Variants in RASSF3 observed in about 807,000 individuals in gnomAD.
RASSF3 encodes ras association domain-containing protein 3.
RASSF3 carries 19 observed loss-of-function variants against 19.9 expected under a neutral mutation model. That is an observed-to-expected ratio of 0.96 (90% CI 0.67 to 1.40). RASSF3 has a LOEUF of 1.40. Among genes scored for constraint, RASSF3 ranks in the 40% most tolerant of loss-of-function variants. The pLI, the probability that RASSF3 is intolerant of heterozygous loss-of-function variation, is 0.00. For missense variants in RASSF3, 306 were observed against 289.8 expected (o/e 1.06, Z -0.41); for synonymous variants, 110 against 104.2 (o/e 1.06, Z -0.34).
intron 2 of RASSF3, among the ~76,000 whole-genome samples, chr12:64,547,256 A>G (rs114374566): frequency 0.023 from 3,268 of 140,782 alleles, 137 homozygotes; most frequent in African/African-American, 0.081. Flanking sequence ...TGTGTGACAG[A>G]GAGAGACTTG....
chr12:64,686,840 C>A lies in RASSF3; in HGVS notation c.220-1376C>A, dbSNP rs1873376934. 2.0e-5 allele frequency among the ~76,000 whole-genome samples: 3 copies of A among 152,010 alleles called. No homozygotes were observed. The South Asian group carries it at 6.2e-4, about 31-fold the overall frequency. On this transcript the variant is annotated intron_variant, in intron 2 of 4. Coordinates refer to ENST00000542104, the MANE Select transcript of RASSF3 (RefSeq NM_178169.4). ...AGACCCTGTCTCAAAAAAGAACAAACTAGAGAATTAGGATTGAAAATTGAT... is the reference window on the plus strand; with the variant it reads ...AGACCCTGTCTCAAAAAAGAACAAAATAGAGAATTAGGATTGAAAATTGAT...
chr12:64,658,152 G>A (rs1404867088), intron 1 of RASSF3, among the ~76,000 whole-genome samples: 2 of 152,160 alleles, frequency 1.3e-5, no homozygotes, highest in Non-Finnish European at 2.9e-5. Flanking sequence ...TCAGATGTCT[G>A]GAAACCTAAT....
chr12:64,684,390 T>C (rs1299955675), intron 1 of RASSF3, among the ~76,000 whole-genome samples: 2 of 151,158 alleles, frequency 1.3e-5, no homozygotes, highest in Non-Finnish European at 2.9e-5. Flanking sequence ...GGCCCTTGTG[T>C]GGAATTTTTA....
chr12:64,574,573 A>G (rs1869567860), intron 2 of RASSF3, among the ~76,000 whole-genome samples: 1 of 152,176 alleles, frequency 6.6e-6, no homozygotes, highest in South Asian at 2.1e-4. Context: ...GGCATATGTG[A>G]TGCAAGTAAA....
At chr12:64,613,695 C>T (rs1326668874) in intron 1 of RASSF3, among the ~76,000 whole-genome samples, 2 of 152,082 alleles carry the variant, frequency 1.3e-5, no homozygotes, top group African/African-American at 4.8e-5. Context: ...CCTGTAATTC[C>T]AGCACTTTGG....
chr12:64,641,942 A>T (rs1000583853), intron 1 of RASSF3, among the ~76,000 whole-genome samples: 1 of 151,764 alleles, frequency 6.6e-6, no homozygotes, highest in African/African-American at 2.4e-5. Context: ...GGGTTTCTCC[A>T]TGTTGGTCAG....
intron 1 of RASSF3, among the ~76,000 whole-genome samples, chr12:64,611,136 G>A (rs545608705): frequency 1.3e-5 from 2 of 149,552 alleles, no homozygotes; most frequent in African/African-American, 2.5e-5. Context: ...CTTCCTGTTA[G>A]TCAGCTTACT....
At chr12:64,634,353 A>C (rs1012756011) in intron 1 of RASSF3, among the ~76,000 whole-genome samples, 2 of 147,402 alleles carry the variant, frequency 1.4e-5, no homozygotes, top group Non-Finnish European at 3.0e-5. Context: ...TCATTTTTTC[A>C]TAGAAATGAG....
At chr12:64,574,640 A>T (rs1358167975) in intron 2 of RASSF3, among the ~76,000 whole-genome samples, 1 of 152,176 alleles carries the variant, frequency 6.6e-6, no homozygotes, top group Non-Finnish European at 1.5e-5. Flanking sequence ...ACTCTTTACC[A>T]TGAAAAGAAC....
intron 2 of RASSF3, among the ~76,000 whole-genome samples, chr12:64,551,487 G>A (rs1478953147): frequency 6.6e-5 from 10 of 152,120 alleles, no homozygotes; most frequent in Non-Finnish European, 1.0e-4. Context: ...GAGGTGGGAC[G>A]ATCACTTGAA....
intron 2 of RASSF3, among the ~76,000 whole-genome samples, chr12:64,548,127 C>G (rs1869100608): frequency 6.6e-6 from 1 of 151,984 alleles, no homozygotes; most frequent in Non-Finnish European, 1.5e-5. Context: ...ATTTATGAAT[C>G]TTTCATATTG....
At chr12:64,529,193 T>C (rs948948078), upstream of RASSF3, among the ~76,000 whole-genome samples, 1 of 152,242 alleles carries the variant, frequency 6.6e-6, no homozygotes, top group Non-Finnish European at 1.5e-5. Flanking sequence ...TTTCTAATCA[T>C]GTGAGTCCAC....
chr12:64,618,765 A>G (rs1870639806), intron 1 of RASSF3, among the ~76,000 whole-genome samples: 2 of 152,218 alleles, frequency 1.3e-5, no homozygotes. Context: ...ATATTCTGAG[A>G]TAGAAGTGAC....
At chr12:64,629,949 A>G in intron 1 of RASSF3, 1 of 143,780 alleles carries the variant, frequency 7.0e-6, no homozygotes, top group East Asian at 2.0e-4. Context: ...GTGACAGAGC[A>G]AGACTCCATC....
At chr12:64,659,953 T>C (rs1872285828) in intron 1 of RASSF3, among the ~76,000 whole-genome samples, 1 of 42,684 alleles carries the variant, frequency 2.3e-5, no homozygotes, top group Non-Finnish European at 5.2e-5. Flanking sequence ...ATCTAATACG[T>C]GTGTGTGTGT....
chr12:64,578,431 A>G (rs560592869), intron 2 of RASSF3, among the ~76,000 whole-genome samples: 1 of 152,210 alleles, frequency 6.6e-6, no homozygotes, highest in South Asian at 2.1e-4. Flanking sequence ...AGGCGGGAGG[A>G]CTGCTTGAGG....
intron 1 of RASSF3, chr12:64,622,410 G>T: frequency 1.9e-6 from 1 of 512,964 alleles, no homozygotes; most frequent in Non-Finnish European, 3.9e-6. Context: ...AGGATGGTAG[G>T]ACAAACTGCT....
chr12:64,664,956 G>A (rs1044565614), intron 1 of RASSF3, among the ~76,000 whole-genome samples: 1 of 152,050 alleles, frequency 6.6e-6, no homozygotes, highest in Non-Finnish European at 1.5e-5. Context: ...TATAGTATTC[G>A]TACCTCAGTT....
intron 2 of RASSF3, among the ~76,000 whole-genome samples, chr12:64,587,062 T>C (rs1355623617): frequency 1.3e-5 from 2 of 149,262 alleles, no homozygotes; most frequent in Non-Finnish European, 3.0e-5. Context: ...TTTTTTTTTT[T>C]TTTTTTTTGA....
Sources: allele counts gnomAD v4.1 joint callset (sites outside exome capture counted in the v4.1 genomes callset), GRCh38; gene constraint gnomAD v4.1.1; transcripts MANE v1.5; gene names NCBI Gene and HGNC (gene_info 2026-07-23, HGNC 2026-07-21).